Variants in BEGAIN observed in about 807,000 individuals in gnomAD.
BEGAIN encodes the protein brain-enriched guanylate kinase-associated protein.
In BEGAIN, 19 loss-of-function variants were observed where a neutral mutation model predicts 35.8. The ratio of observed to expected loss-of-function variants is 0.53; its 90% CI spans 0.37 to 0.78. BEGAIN has a LOEUF of 0.78. Ranked by LOEUF, BEGAIN falls within the 30% of genes least tolerant of loss-of-function variation. The pLI, the probability that BEGAIN is intolerant of heterozygous loss-of-function variation, is 0.00. For missense variants in BEGAIN, 795 were observed against 853.6 expected (o/e 0.93, Z 0.85); for synonymous variants, 462 against 388.6 (o/e 1.19, Z -2.22).
At chr14:100,580,856 A>T (rs886537375) in intron 1 of BEGAIN, among the ~76,000 whole-genome samples, 7 of 152,028 alleles carry the variant, frequency 4.6e-5, no homozygotes, top group Admixed American at 1.3e-4. Flanking sequence ...CAGTTCACAA[A>T]CATCCCCAGC....
At chr14:100,544,022 C>T in intron 4 of BEGAIN, 57 bp from the exon 5 acceptor site, 4 of 1,341,214 alleles carry the variant, frequency 3.0e-6, no homozygotes, top group Non-Finnish European at 4.2e-6. Context: ...TGAGCCAACC[C>T]AGTCGCTCGA....
chr14:100,553,056 A>G (rs2033360079), intron 2 of BEGAIN, among the ~76,000 whole-genome samples: 1 of 152,162 alleles, frequency 6.6e-6, no homozygotes, highest in Non-Finnish European at 1.5e-5. Flanking sequence ...CCGTGCCTCC[A>G]GGGCACATCT....
chr14:100,540,039 A>G (rs886092305), intron 6 of BEGAIN: 1 of 165,236 alleles, frequency 6.1e-6, no homozygotes, highest in African/African-American at 2.4e-5. Flanking sequence ...TTGGCATCAG[A>G]CAGGCCTGGT....
intron 5 of BEGAIN, among the ~76,000 whole-genome samples, chr14:100,541,515 C>T (rs572311617): frequency 2.6e-5 from 4 of 152,366 alleles, no homozygotes; most frequent in South Asian, 2.1e-4. Flanking sequence ...CGGTGGAGGG[C>T]GTCGGAGTCG....
chr14:100,564,831 A>C (rs1023064503), intron 2 of BEGAIN, among the ~76,000 whole-genome samples: 7 of 152,028 alleles, frequency 4.6e-5, no homozygotes, highest in Non-Finnish European at 8.8e-5. Context: ...GACACCCCAG[A>C]TGTCAGTGGG....
At position 100,538,241 on chromosome 14, in the gene BEGAIN, C is replaced by A; in HGVS notation, c.1567G>T (p.Gly523Cys). ...RAGGDLSLSP[G>C]RSADPLPGYA... Reference sequence around the variant, plus strand: ...CCGGGCAGTGGGTCAGCCGAGCGGCCGGGACTGAGGCTCAGGTCGCCGCCC... The same window carrying A: ...CCGGGCAGTGGGTCAGCCGAGCGGCAGGGACTGAGGCTCAGGTCGCCGCCC... The change falls in exon 7 of 7, where the codon GGC becomes TGC. Residue 523 changes from glycine (G) to cysteine (C), a missense_variant. Physicochemically the swap from Gly to Cys is radical, Grantham distance 159 (BLOSUM62 -3). Around this residue, in one of 3 missense-constraint regions of BEGAIN, gnomAD observed 664 missense variants for 647.7 expected, o/e 1.03. Transcript: ENST00000554140. 6.4e-7 allele frequency: 1 copy of A among 1,570,228 alleles called. No homozygotes were observed. The highest frequency in any genetic ancestry group is 8.6e-7 in the Non-Finnish European group (1 of 1,165,592).
chr14:100,544,717 T>TG (rs1282359658), intron 4 of BEGAIN, among the ~76,000 whole-genome samples: 2 of 152,176 alleles, frequency 1.3e-5, no homozygotes, highest in South Asian at 2.1e-4. Flanking sequence ...CAGGCTGAGC[T>TG]GGGGGGCCCG....
chr14:100,568,557 C>G lies in BEGAIN; in HGVS notation c.43-618G>C. The G allele has an allele frequency of 7.9e-7, 1 of 1,264,352 alleles. No homozygotes were observed. The highest frequency in any genetic ancestry group is 1.3e-5 in the South Asian group (1 of 79,566). The allele number at this position is 1,264,352 out of a possible 1,614,324, so 78.3% of individuals were successfully genotyped here. A position where few individuals can be genotyped will look rare whatever the true frequency, so the allele number is the denominator to read the frequency against. ...CCCCTCCCGGGCCCCAGGGATTAAC[C>G]CGTGAGCGCCCGGCTCGCCGGCGGG... On this transcript the variant is annotated intron_variant, in intron 1 of 6. Transcript: ENST00000554140. This position sits in a 1 kb window ranked among gnomAD's most constrained non-coding sequence, Gnocchi z 7.5.
In BEGAIN at chr14:100,539,241, G is replaced by A. The variant is rs1221965208; in HGVS notation, c.567C>T (p.Cys189=). 1 of 1,588,684 alleles carries A rather than the reference G, an allele frequency of 6.3e-7. No individual in the cohort carries two copies. The highest frequency in any genetic ancestry group is 8.6e-7 in the Non-Finnish European group (1 of 1,167,478). Residue 189 remains cysteine, a synonymous_variant, in exon 7 of 7, where the codon TGC becomes TGT. Transcript: ENST00000554140. ...GGACGCTGTCGGCGTAGGCCGGGTG[G>A]CAGAGCGGGGATGGCAGGCTGCAGC... is the stretch of plus-strand genomic sequence containing the variant. The part of the protein sequence containing the change: ...KHGCSLPSPL[C]HPAYADSVPT...
intron 5 of BEGAIN, among the ~76,000 whole-genome samples, chr14:100,542,690 A>C (rs955895387): frequency 3.3e-5 from 5 of 152,158 alleles, no homozygotes; most frequent in African/African-American, 1.2e-4. Flanking sequence ...TTCTATTTTC[A>C]AAACACAACC....
At chr14:100,569,106 G>A in intron 1 of BEGAIN, 1 of 206,484 alleles carries the variant, frequency 4.8e-6, no homozygotes, top group Non-Finnish European at 8.5e-6. Context: ...CCGGGTGCTC[G>A]GGCCGGCCTT....
At chr14:100,556,340 G>C (rs949564419) in intron 2 of BEGAIN, among the ~76,000 whole-genome samples, 1 of 149,050 alleles carries the variant, frequency 6.7e-6, no homozygotes, top group Admixed American at 6.6e-5. Context: ...GCCCTGCCCC[G>C]CTGCCCCCCT....
At position 100,557,147 on chromosome 14, in the gene BEGAIN, A is replaced by C. The variant is rs4076532; in HGVS notation, c.72-10485T>G. On this transcript the variant is annotated intron_variant, in intron 2 of 6. Transcript: ENST00000554140. ...GGCCCTGCCGGCCTCTTCCAGCCAC[A>C]CCCGAGTCAGGGCGGGCCAAACCCA... Among the ~76,000 whole-genome samples, 56 of 150,296 alleles carry C rather than the reference A, an allele frequency of 3.7e-4. 1 individual carries two copies. The East Asian group carries it at 0.011, about 29-fold the overall frequency.
At chr14:100,564,823 C>T (rs7493749) in intron 2 of BEGAIN, among the ~76,000 whole-genome samples, 1,818 of 152,130 alleles carry the variant, frequency 0.012, 38 homozygotes, top group African/African-American at 0.042. Flanking sequence ...AGACAGAAGA[C>T]ACCCCAGATG....
At chr14:100,566,709 T>C (rs958340834) in intron 2 of BEGAIN, among the ~76,000 whole-genome samples, 15 of 152,048 alleles carry the variant, frequency 9.9e-5, no homozygotes, top group African/African-American at 3.6e-4. Flanking sequence ...GGCTGATGGG[T>C]ATCAGGTATT....
At chr14:100,554,044 G>T (rs1367246750) in intron 2 of BEGAIN, among the ~76,000 whole-genome samples, 2 of 152,236 alleles carry the variant, frequency 1.3e-5, no homozygotes, top group Non-Finnish European at 2.9e-5. Context: ...GGGGCCACCG[G>T]GCCCATGCCC....
At chr14:100,547,002 TA>T (rs2032612757) in intron 2 of BEGAIN, 1 of 203,576 alleles carries the variant, frequency 4.9e-6, no homozygotes, top group Non-Finnish European at 1.0e-5. Flanking sequence ...GGGGGCGGTT[TA>T]AAGGACCCAG....
In BEGAIN at chr14:100,568,990, C is replaced by T; in HGVS notation, c.43-1051G>A. ...GCGCGCTCCGCTCGGGTCCGGGCCC[C>T]ACGCCGCCTCCCCCACCGCCCCGCC... On this transcript the variant is annotated intron_variant, in intron 1 of 6. Coordinates refer to ENST00000554140, the MANE Select transcript of BEGAIN (RefSeq NM_001385089.1). This position sits in a 1 kb window ranked among gnomAD's most constrained non-coding sequence, Gnocchi z 7.5. The T allele has an allele frequency of 1.0e-6, 1 of 971,062 alleles. No homozygotes were observed. Among genetic ancestry groups the T allele is most frequent in the Non-Finnish European group, 1.2e-6 (1 of 817,960 alleles). The allele number at this position is 971,062 out of a possible 1,614,324, so 60.2% of individuals were successfully genotyped here.
chr14:100,543,455 C>T (rs2031939941), intron 5 of BEGAIN, among the ~76,000 whole-genome samples: 1 of 152,162 alleles, frequency 6.6e-6, no homozygotes, highest in South Asian at 2.1e-4. Flanking sequence ...GAAATTAGGC[C>T]CCATGGGCAG....
Sources: gnomAD v4.1 joint callset for allele counts (sites outside exome capture counted in the v4.1 genomes callset) on GRCh38, gnomAD v4.1.1 for gene constraint, gnomAD v4.1.1 regional missense constraint, Gnocchi (gnomAD v3.1) non-coding constraint, MANE v1.5 for transcripts, NCBI Gene and HGNC (gene_info 2026-07-23, HGNC 2026-07-21) for gene names.